Variants in RAB38 observed in about 807,000 individuals in gnomAD.
RAB38 encodes ras-related protein Rab-38.
A neutral mutation model predicts 18.4 loss-of-function variants in RAB38; 15 were observed. The observed-to-expected ratio is 0.82, with a 90% CI of 0.55 to 1.26. The LOEUF (loss-of-function observed/expected upper bound fraction) is 1.26, where lower values mean the gene tolerates loss of function less well. RAB38 is among the 50% of genes most tolerant of loss of function. The pLI is 0.00. For synonymous variants in RAB38, 101 were observed against 104.4 expected, an observed-to-expected ratio of 0.97 and a Z score of 0.20; for missense variants, 294 against 267.4, an observed-to-expected ratio of 1.10 and a Z score of -0.69.
chr11:88,137,380 A>T (rs1185236648), intron 2 of RAB38, among the ~76,000 whole-genome samples: 2 of 152,232 alleles, frequency 1.3e-5, no homozygotes, highest in African/African-American at 4.8e-5. Context: ...CATCTTCACA[A>T]ATATAATCAA....
chr11:87,876,835 A>G, the RAB38 span, among the ~76,000 whole-genome samples: 2 of 151,638 alleles, frequency 1.3e-5, no homozygotes, highest in Non-Finnish European at 3.0e-5. Context: ...GCAGATGAGC[A>G]GTGATACCGG....
At chr11:87,892,445 C>T in the RAB38 span, among the ~76,000 whole-genome samples, 1 of 151,774 alleles carries the variant, frequency 6.6e-6, no homozygotes, top group Non-Finnish European at 1.5e-5. Context: ...TTTCCATTTC[C>T]TTCAGATTCA....
chr11:87,870,325 G>C, the RAB38 span, among the ~76,000 whole-genome samples: 1 of 151,530 alleles, frequency 6.6e-6, no homozygotes. Context: ...ATCATCCACT[G>C]TGACTCATCG....
the RAB38 span, among the ~76,000 whole-genome samples, chr11:87,822,758 G>T: frequency 6.6e-6 from 1 of 152,206 alleles, no homozygotes; most frequent in Non-Finnish European, 1.5e-5. Flanking sequence ...ACAAGGGAAG[G>T]ATATTACATA....
chr11:87,943,064 AAAAAGT>A, the RAB38 span, among the ~76,000 whole-genome samples: 1 of 152,174 alleles, frequency 6.6e-6, no homozygotes, highest in Admixed American at 6.6e-5. Context: ...GAATGAAGTG[AAAAAGT>A]CAAATAGGTT....
intron 2 of RAB38, 100 bp downstream of exon 2, chr11:88,149,574 TA>T: frequency 7.2e-7 from 1 of 1,385,386 alleles, no homozygotes. Flanking sequence ...CATACATCAC[TA>T]AACAAACATA....
the RAB38 span, among the ~76,000 whole-genome samples, chr11:87,964,885 A>G: frequency 2.0e-5 from 3 of 152,186 alleles, no homozygotes; most frequent in Non-Finnish European, 4.4e-5. Context: ...GAGAGTTTCA[A>G]TGTTATCTAT....
At chr11:88,066,092 G>C in the RAB38 span, among the ~76,000 whole-genome samples, 1 of 152,212 alleles carries the variant, frequency 6.6e-6, no homozygotes, top group African/African-American at 2.4e-5. Flanking sequence ...TATTTGACTT[G>C]AAATTTAAAT....
chr11:88,055,195 C>A, the RAB38 span, among the ~76,000 whole-genome samples: 14 of 152,126 alleles, frequency 9.2e-5, no homozygotes, highest in African/African-American at 3.1e-4. Flanking sequence ...TATCATCATG[C>A]CTGTGAACAG....
chr11:88,103,849 T>C, the RAB38 span, among the ~76,000 whole-genome samples: 2 of 152,132 alleles, frequency 1.3e-5, no homozygotes, highest in African/African-American at 2.4e-5. Context: ...GGGATTCTCT[T>C]ACCAGAGTCA....
chr11:87,907,507 T>C, the RAB38 span, among the ~76,000 whole-genome samples: 900 of 151,710 alleles, frequency 5.9e-3, 5 homozygotes, highest in African/African-American at 0.021. Context: ...TTGTTCAGTT[T>C]GTTGTTTTTA....
rs551154044 is a variant in RAB38 at position 88,149,786 on chromosome 11, C to A, written c.372G>T (p.Leu124Phe). 1 of 1,614,178 alleles carries A rather than the reference C, an allele frequency of 6.2e-7. No homozygotes were observed. Among genetic ancestry groups the A allele is most frequent in the African/African-American group, 1.3e-5 (1 of 75,042 alleles). Residue 124 changes from leucine to phenylalanine, a missense_variant, in exon 2 of 3, where the codon TTG becomes TTT. Physicochemically the swap from Leu to Phe is conservative, Grantham distance 22. Coordinates refer to ENST00000243662, the MANE Select transcript of RAB38 (RefSeq NM_022337.3). ...LPNGKPVSVV[L>F]LANKCDQGKD... Reference sequence around the variant, plus strand: ...TCCCCTGGTCACATTTGTTGGCCAACAAAACCACTGAAACCGGTTTGCCAT... The same window carrying A: ...TCCCCTGGTCACATTTGTTGGCCAAAAAAACCACTGAAACCGGTTTGCCAT...
chr11:88,085,893 T>TA, the RAB38 span, among the ~76,000 whole-genome samples: 2 of 151,926 alleles, frequency 1.3e-5, no homozygotes, highest in African/African-American at 4.8e-5. Flanking sequence ...AGGCTGTTCT[T>TA]ACACCTGAAA....
the RAB38 span, among the ~76,000 whole-genome samples, chr11:87,893,371 C>CATATATATATATATGTGTGT: frequency 1.2e-5 from 1 of 86,446 alleles, no homozygotes; most frequent in African/African-American, 4.3e-5. Context: ...ATATATTTTA[C>CATATATATATATATGTGTGT]ATATATATAT....
At chr11:87,806,985 G>T in the RAB38 span, among the ~76,000 whole-genome samples, 1 of 152,158 alleles carries the variant, frequency 6.6e-6, no homozygotes, top group Non-Finnish European at 1.5e-5. Flanking sequence ...ACCAGGAGGT[G>T]AGTGGCAAGT....
chr11:88,128,259 T>C (rs973295257), intron 2 of RAB38, among the ~76,000 whole-genome samples: 2 of 152,222 alleles, frequency 1.3e-5, no homozygotes, highest in Non-Finnish European at 2.9e-5. Flanking sequence ...CTCTCCCTTT[T>C]TTCCAGATAG....
At chr11:87,876,910 C>A in the RAB38 span, among the ~76,000 whole-genome samples, 1 of 151,538 alleles carries the variant, frequency 6.6e-6, no homozygotes, top group Non-Finnish European at 1.5e-5. Context: ...AAATTAAACA[C>A]ATAATATAGT....
the RAB38 span, among the ~76,000 whole-genome samples, chr11:87,860,902 T>A: frequency 6.6e-6 from 1 of 151,930 alleles, no homozygotes; most frequent in Non-Finnish European, 1.5e-5. Flanking sequence ...ATGTCATATA[T>A]GTTTTATAAG....
At chr11:87,918,360 T>C in the RAB38 span, among the ~76,000 whole-genome samples, 6 of 152,136 alleles carry the variant, frequency 3.9e-5, no homozygotes, top group Non-Finnish European at 7.4e-5. Context: ...GGAATACAGA[T>C]CTCTCTTCTA....
Sources: allele counts gnomAD v4.1 joint callset (sites outside exome capture counted in the v4.1 genomes callset), GRCh38; gene constraint gnomAD v4.1.1; transcripts MANE v1.5; gene names NCBI Gene and HGNC (gene_info 2026-07-23, HGNC 2026-07-21).